The following ULK4 variants were observed in gnomAD, a reference collection of about 807,000 sequenced individuals.
ULK4 encodes unc-51 like kinase 4.
In ULK4, 133 loss-of-function variants were observed where a neutral mutation model predicts 160.6. The ratio of observed to expected loss-of-function variants is 0.83; its 90% confidence interval spans 0.72 to 0.96. ULK4 has a LOEUF of 0.96. Among genes scored for constraint, ULK4 ranks in the 40% least tolerant of loss-of-function variants. ULK4 has a pLI of 0.00. For missense variants in ULK4, 1,580 were observed against 1,499.5 expected (o/e 1.05, Z -0.89); for synonymous variants, 534 against 539.8 (o/e 0.99, Z 0.15).
intron 30 of ULK4, among the ~76,000 whole-genome samples, chr3:41,620,338 C>G (rs1277310360): frequency 1.1e-4 from 17 of 152,116 alleles, no homozygotes; most frequent in Admixed American, 1.1e-3. Flanking sequence ...GGTCAATATC[C>G]CTGATGAACA....
intron 35 of ULK4, among the ~76,000 whole-genome samples, chr3:41,365,379 A>G (rs188112602): frequency 6.6e-6 from 1 of 152,254 alleles, no homozygotes; most frequent in Admixed American, 6.5e-5. Context: ...GATATTTTTC[A>G]TGTCCTAATG....
intron 1 of ULK4, among the ~76,000 whole-genome samples, chr3:41,960,211 A>ATGTGAC (rs1203459311): frequency 6.6e-6 from 1 of 152,160 alleles, no homozygotes; most frequent in African/African-American, 2.4e-5. Context: ...CTTTAGTCAC[A>ATGTGAC]TCTGACCATC....
chr3:41,582,827 G>C (rs2030481831), intron 31 of ULK4, among the ~76,000 whole-genome samples: 1 of 152,184 alleles, frequency 6.6e-6, no homozygotes, highest in South Asian at 2.1e-4. Context: ...TTCTATTATT[G>C]TCTACAAATA....
At chr3:41,508,200 C>T (rs2085458433) in intron 32 of ULK4, among the ~76,000 whole-genome samples, 1 of 152,140 alleles carries the variant, frequency 6.6e-6, no homozygotes, top group South Asian at 2.1e-4. Context: ...CGTGACTCAG[C>T]AGATGCAGCC....
At chr3:41,572,759 C>G (rs1334720084) in intron 31 of ULK4, among the ~76,000 whole-genome samples, 1 of 143,382 alleles carries the variant, frequency 7.0e-6, no homozygotes, top group Non-Finnish European at 1.5e-5. Flanking sequence ...GAGCAAGATT[C>G]CATCTCAAAA....
intron 35 of ULK4, among the ~76,000 whole-genome samples, chr3:41,294,749 A>G (rs1219767007): frequency 6.6e-6 from 1 of 152,196 alleles, no homozygotes; most frequent in African/African-American, 2.4e-5. Context: ...AAGAAAATAA[A>G]AGATCTATTT....
At chr3:41,776,920 A>G (rs1285697823) in intron 21 of ULK4, among the ~76,000 whole-genome samples, 16 of 57,518 alleles carry the variant, frequency 2.8e-4, no homozygotes, top group African/African-American at 6.6e-4. Context: ...TTGGTATCAG[A>G]ATGATGCTGG....
At chr3:41,513,044 G>A (rs2085640680) in intron 32 of ULK4, among the ~76,000 whole-genome samples, 1 of 152,120 alleles carries the variant, frequency 6.6e-6, no homozygotes. Context: ...ACAGAAAGTG[G>A]GGAGAGGACA....
At chr3:41,831,010 T>TA (rs2041563134) in intron 18 of ULK4, among the ~76,000 whole-genome samples, 4 of 84,692 alleles carry the variant, frequency 4.7e-5, no homozygotes, top group African/African-American at 2.9e-4. Flanking sequence ...TTTTATTATT[T>TA]TTTTTATTTA....
chr3:41,474,093 T>C (rs1299448213), intron 32 of ULK4, among the ~76,000 whole-genome samples: 3 of 152,162 alleles, frequency 2.0e-5, no homozygotes, highest in African/African-American at 7.2e-5. Context: ...GACGTCACAC[T>C]TCCTGATTTC....
At chr3:41,721,420 T>C (rs2125851737) in intron 22 of ULK4, among the ~76,000 whole-genome samples, 1 of 136,904 alleles carries the variant, frequency 7.3e-6, no homozygotes, top group African/African-American at 2.7e-5. Context: ...CTGGAGTGCA[T>C]GCAGTGGCAC....
chr3:41,951,084 A>G (rs1372156048), intron 2 of ULK4, among the ~76,000 whole-genome samples: 2 of 146,146 alleles, frequency 1.4e-5, no homozygotes, highest in Non-Finnish European at 3.0e-5. Context: ...GGCGGAGCTT[A>G]CAGTAAGCCG....
intron 27 of ULK4, among the ~76,000 whole-genome samples, chr3:41,693,667 T>C (rs1388748263): frequency 2.0e-5 from 3 of 152,174 alleles, no homozygotes; most frequent in Non-Finnish European, 4.4e-5. Context: ...AAGCTGTTTA[T>C]CTACAAGAGT....
chr3:41,281,841 G>A (rs1017306514), intron 35 of ULK4, among the ~76,000 whole-genome samples: 2 of 152,108 alleles, frequency 1.3e-5, no homozygotes, highest in African/African-American at 4.8e-5. Context: ...TATTCAATTA[G>A]GAAAAGAGGA....
chr3:41,773,978 T>A (rs576731991), intron 21 of ULK4, among the ~76,000 whole-genome samples: 1 of 152,200 alleles, frequency 6.6e-6, no homozygotes, highest in Admixed American at 6.5e-5. Context: ...GGAAAAGGAT[T>A]CCCTATTTAA....
At chr3:41,428,822 G>A (rs1166026978) in intron 34 of ULK4, among the ~76,000 whole-genome samples, 1 of 151,846 alleles carries the variant, frequency 6.6e-6, no homozygotes, top group Admixed American at 6.6e-5. Context: ...CAAAACCTAG[G>A]CAATACCATT....
intron 32 of ULK4, among the ~76,000 whole-genome samples, chr3:41,480,264 C>T (rs2125895829): frequency 6.6e-6 from 1 of 151,354 alleles, no homozygotes; most frequent in Non-Finnish European, 1.5e-5. Context: ...CATGGACATC[C>T]CATTTCCTCA....
chr3:41,401,414 T>G (rs536981587), intron 34 of ULK4, among the ~76,000 whole-genome samples: 1 of 152,194 alleles, frequency 6.6e-6, no homozygotes, highest in African/African-American at 2.4e-5. Flanking sequence ...CCTATGGTAC[T>G]GCATGTTTAA....
intron 17 of ULK4, among the ~76,000 whole-genome samples, chr3:41,877,658 T>C (rs1260663092): frequency 1.3e-5 from 2 of 151,958 alleles, no homozygotes; most frequent in Non-Finnish European, 2.9e-5. Flanking sequence ...AAAATAAAAA[T>C]TGTAAATCAA....
Sources: allele counts gnomAD v4.1 joint callset (sites outside exome capture counted in the v4.1 genomes callset), GRCh38; gene constraint gnomAD v4.1.1; transcripts MANE v1.5; gene names NCBI Gene and HGNC (gene_info 2026-07-23, HGNC 2026-07-21).